The following DOCK1 variants were observed in gnomAD, a reference collection of about 807,000 sequenced individuals.
DOCK1 encodes the protein dedicator of cytokinesis 1, also known as dedicator of cytokinesis protein 1.
Under a neutral mutation model 262.7 loss-of-function variants are expected in DOCK1, and 138 were observed. That is an observed-to-expected ratio of 0.53 (90% CI 0.46 to 0.61). The LOEUF (loss-of-function observed/expected upper bound fraction) is 0.61, where lower values mean the gene tolerates loss of function less well. DOCK1 is among the 20% of genes least tolerant of loss of function. The pLI is 0.00. For missense variants in DOCK1, 1,908 were observed against 2,370.7 expected (o/e 0.80, Z 4.05); for synonymous variants, 866 against 867.4 (o/e 1.00, Z 0.03).
intron 1 of DOCK1, among the ~76,000 whole-genome samples, chr10:126,930,051 A>C (rs1243521453): frequency 6.6e-6 from 1 of 152,210 alleles, no homozygotes; most frequent in Non-Finnish European, 1.5e-5. Flanking sequence ...GTTCATAAAA[A>C]TGCAGATCCC....
At chr10:127,329,091 G>T (rs1332313305) in intron 29 of DOCK1, among the ~76,000 whole-genome samples, 1 of 152,014 alleles carries the variant, frequency 6.6e-6, no homozygotes, top group African/African-American at 2.4e-5. Flanking sequence ...TTTCCAGAAT[G>T]TTTGTTCACC....
rs12219888 is a variant in DOCK1 at position 127,209,893 on chromosome 10, T to C, written c.2848-38115T>C. Among the ~76,000 whole-genome samples the C allele has an allele frequency of 1.1e-4, 17 of 152,228 alleles. No individual in the cohort carries two copies. In the East Asian group the frequency reaches 3.1e-3, roughly 28 times the overall value. On this transcript the variant is annotated intron_variant, in intron 27 of 51. Coordinates refer to ENST00000623213, the MANE Select transcript of DOCK1 (RefSeq NM_001290223.2). ...ACGCAGAATCTCTCAGCAGAGACAT[T>C]CCGTTGAGAGCCTACTTAATAAACC...
At chr10:127,347,777 T>C (rs1297360004) in intron 31 of DOCK1, among the ~76,000 whole-genome samples, 1 of 149,318 alleles carries the variant, frequency 6.7e-6, no homozygotes, top group Non-Finnish European at 1.5e-5. Flanking sequence ...TGTCTCTTAC[T>C]CTAGGGCTTG....
At chr10:127,416,528 C>T (rs766861393) in intron 44 of DOCK1, among the ~76,000 whole-genome samples, 2 of 152,162 alleles carry the variant, frequency 1.3e-5, no homozygotes, top group Admixed American at 6.5e-5. Context: ...AGCTTCTCCT[C>T]GGGCTGCTTT....
At chr10:127,215,816 C>G (rs2058182384) in intron 27 of DOCK1, among the ~76,000 whole-genome samples, 1 of 151,934 alleles carries the variant, frequency 6.6e-6, no homozygotes, top group African/African-American at 2.4e-5. Context: ...CAAAAACAAG[C>G]AAACAACACC....
At chr10:127,256,843 A>G (rs1411980278) in intron 28 of DOCK1, among the ~76,000 whole-genome samples, 3 of 152,214 alleles carry the variant, frequency 2.0e-5, no homozygotes, top group Non-Finnish European at 4.4e-5. Flanking sequence ...ATTGCATGCC[A>G]AATCTGTGCA....
intron 40 of DOCK1, among the ~76,000 whole-genome samples, chr10:127,406,963 C>G (rs1241079048): frequency 6.6e-6 from 1 of 151,710 alleles, no homozygotes; most frequent in African/African-American, 2.4e-5. Flanking sequence ...TATATAGAAG[C>G]CTTAGAAGTT....
At chr10:127,433,908 T>G (rs1464981704) in intron 48 of DOCK1, among the ~76,000 whole-genome samples, 1 of 152,014 alleles carries the variant, frequency 6.6e-6, no homozygotes, top group Non-Finnish European at 1.5e-5. Context: ...AAGACAATTC[T>G]TCTTCTTCTA....
chr10:127,321,874 G>A (rs1040875601), intron 29 of DOCK1, among the ~76,000 whole-genome samples: 4 of 152,028 alleles, frequency 2.6e-5, no homozygotes, highest in African/African-American at 9.7e-5. Context: ...AGGCCAAGGC[G>A]GGCCAATCAC....
chr10:126,987,482 A>G, intron 4 of DOCK1, 39 bp from the exon 5 acceptor site: 3 of 1,525,932 alleles, frequency 2.0e-6, no homozygotes, highest in Non-Finnish European at 2.7e-6. Flanking sequence ...CAGGCAGTGA[A>G]ACCGTGGACT....
At position 127,437,774 on chromosome 10, in the gene DOCK1, C is replaced by T. The variant is rs546409270; in HGVS notation, c.5061-1253C>T. Reference sequence around the variant, plus strand: ...GATTATAGGCATGAGCCACCATGCCCGGCCCTGCAATGGCCTTCTTAATGA... The same window carrying T: ...GATTATAGGCATGAGCCACCATGCCTGGCCCTGCAATGGCCTTCTTAATGA... On this transcript the variant is annotated intron_variant, in intron 48 of 51. Coordinates refer to ENST00000623213, the MANE Select transcript of DOCK1 (RefSeq NM_001290223.2). The surrounding 1 kb of genome is among the most constrained non-coding windows in gnomAD (Gnocchi z 4.4). Among the ~76,000 whole-genome samples the T allele has an allele frequency of 1.3e-5, 2 of 152,336 alleles. No homozygotes were observed. Among genetic ancestry groups the T allele is most frequent in the African/African-American group, 2.4e-5 (1 of 41,578 alleles).
intron 23 of DOCK1, among the ~76,000 whole-genome samples, chr10:127,071,643 G>A (rs901591307): frequency 6.6e-6 from 1 of 152,126 alleles, no homozygotes; most frequent in Admixed American, 6.5e-5. Context: ...AGTTGTAATT[G>A]TAATGGCTGT....
rs530010169 is a variant in DOCK1, at chr10:127,231,194, C to T, written c.2848-16814C>T. ...TTAAAGTTTGCTTTGAAAATGATCACATGGAGATCAAACTCTCTTTAGCGA... is the reference window on the plus strand; with the variant it reads ...TTAAAGTTTGCTTTGAAAATGATCATATGGAGATCAAACTCTCTTTAGCGA... On this transcript the variant is annotated intron_variant, in intron 27 of 51. Transcript: ENST00000623213. 2.0e-5 allele frequency among the ~76,000 whole-genome samples: 3 copies of T among 150,800 alleles called. No homozygotes were observed. The South Asian group carries it at 6.3e-4, about 32-fold the overall frequency.
At chr10:127,257,707 A>G (rs764920540) in intron 29 of DOCK1, 12 of 303,194 alleles carry the variant, frequency 4.0e-5, no homozygotes, top group Non-Finnish European at 5.6e-5. Flanking sequence ...TCATGGGCAC[A>G]GGGGTTCTGC....
chr10:127,101,852 G>A (rs1006366047), intron 23 of DOCK1, among the ~76,000 whole-genome samples: 13 of 152,170 alleles, frequency 8.5e-5, no homozygotes, highest in African/African-American at 2.7e-4. Flanking sequence ...CCCTCTGGGC[G>A]TTCGCAAGCG....
At chr10:127,005,202 C>T (rs531792072) in intron 10 of DOCK1, among the ~76,000 whole-genome samples, 12 of 152,000 alleles carry the variant, frequency 7.9e-5, no homozygotes, top group Non-Finnish European at 1.0e-4. Context: ...AAAAATTAGC[C>T]GGTCGTGGTG....
At chr10:126,981,672 T>A (rs543668896) in intron 3 of DOCK1, among the ~76,000 whole-genome samples, 1 of 152,354 alleles carries the variant, frequency 6.6e-6, no homozygotes, top group East Asian at 1.9e-4. Flanking sequence ...ATTGCCTGTA[T>A]CTTTGTGGAC....
intron 38 of DOCK1, among the ~76,000 whole-genome samples, chr10:127,385,936 C>A (rs2066090873): frequency 6.6e-6 from 1 of 152,168 alleles, no homozygotes; most frequent in African/African-American, 2.4e-5. Context: ...CCTCATCTTC[C>A]CTTGATTACA....
Position 127,119,049 on chromosome 10 carries a change from C to CCTT in DOCK1, c.2624-6425_2624-6424insCTT, listed in dbSNP as rs1554888720. Among the ~76,000 whole-genome samples the CCTT allele has an allele frequency of 4.1e-5, 6 of 146,080 alleles. 1 individual carries two copies. In the East Asian group the frequency reaches 8.1e-4, roughly 20 times the overall value. On this transcript the variant is annotated intron_variant, in intron 25 of 51. Coordinates refer to ENST00000623213, the MANE Select transcript of DOCK1 (RefSeq NM_001290223.2). The stretch of plus-strand genomic sequence containing the variant: ...TGGGGGCTCCAGCTGAGGAATCAGG[C>CCTT]TTTTTTTTTTTTGAGACGGAGTCTC...
Sources: gnomAD v4.1 joint callset for allele counts (sites outside exome capture counted in the v4.1 genomes callset) on GRCh38, gnomAD v4.1.1 for gene constraint, Gnocchi (gnomAD v3.1) non-coding constraint, MANE v1.5 for transcripts, NCBI Gene and HGNC (gene_info 2026-07-23, HGNC 2026-07-21) for gene names.